TARDBP: variants seen among roughly 807,000 people sequenced by gnomAD.
The protein encoded by TARDBP is TAR DNA binding protein.
Under a neutral mutation model 38.3 loss-of-function variants are expected in TARDBP, and 4 were observed. The ratio of observed to expected loss-of-function variants is 0.10; its 90% CI spans 0.05 to 0.24. TARDBP has a LOEUF of 0.24. TARDBP is among the 10% of genes least tolerant of loss of function. The pLI is 1.00. For synonymous variants in TARDBP, 184 were observed against 183.8 expected, an observed-to-expected ratio of 1.00 and a Z score of -0.01; for missense variants, 202 against 521.9, an observed-to-expected ratio of 0.39 and a Z score of 5.97.
At chr1:11,027,702 TTTC>T, downstream of TARDBP, 4 of 1,520,596 alleles carry the variant, frequency 2.6e-6, no homozygotes, top group South Asian at 5.2e-5. Context: ...CAATCGTGTT[TTTC>T]TTAAATTATG....
downstream of TARDBP, chr1:11,027,287 C>G: frequency 6.2e-7 from 1 of 1,613,782 alleles, no homozygotes; most frequent in Non-Finnish European, 8.5e-7. Flanking sequence ...CTTTTCTTGG[C>G]AGACAAATAG....
At chr1:11,027,006 C>A (rs1168491348), downstream of TARDBP, 3 of 1,598,846 alleles carry the variant, frequency 1.9e-6, no homozygotes, top group Admixed American at 5.2e-5. Context: ...TCCCACAAAC[C>A]ACCTCTCTGT....
At chr1:11,021,037 G>T (rs989055816) in intron 5 of TARDBP, among the ~76,000 whole-genome samples, 1 of 152,048 alleles carries the variant, frequency 6.6e-6, no homozygotes, top group African/African-American at 2.4e-5. Context: ...CTAGATGTTT[G>T]TGATACCTGT....
chr1:11,028,009 G>A (rs1643768923), downstream of TARDBP, among the ~76,000 whole-genome samples: 1 of 152,102 alleles, frequency 6.6e-6, no homozygotes, highest in South Asian at 2.1e-4. Context: ...ATCACCTGAG[G>A]TCAGGAGTTT....
downstream of TARDBP, chr1:11,030,297 T>G (rs1310266386): frequency 2.2e-6 from 3 of 1,362,308 alleles, no homozygotes; most frequent in Non-Finnish European, 3.1e-6. Context: ...ATGTATAAGA[T>G]GGTTGTCATT....
downstream of TARDBP, chr1:11,029,673 C>G (rs1350921066): frequency 2.1e-5 from 2 of 94,342 alleles, no homozygotes. Flanking sequence ...TGGAATTTCA[C>G]TACTGTTGCC....
At chr1:11,013,577 A>T in intron 1 of TARDBP, 139 bp from the exon 2 acceptor site, 1 of 691,484 alleles carries the variant, frequency 1.4e-6, no homozygotes, top group South Asian at 1.7e-5. Context: ...GTCATTTTTC[A>T]GGGATAACCA....
intron 3 of TARDBP, among the ~76,000 whole-genome samples, chr1:11,018,148 C>T (rs1414476841): frequency 6.6e-6 from 1 of 152,096 alleles, no homozygotes; most frequent in Non-Finnish European, 1.5e-5. Flanking sequence ...TCCCAAAGTG[C>T]TGGGATTACA....
chr1:11,030,377 A>G (rs1557667031), downstream of TARDBP: 6 of 645,986 alleles, frequency 9.3e-6, no homozygotes, highest in Non-Finnish European at 1.3e-5. Flanking sequence ...CTGAAGAACC[A>G]TTTTACATGA....
chr1:11,029,701 G>T (rs1300460511), downstream of TARDBP: 2 of 122,896 alleles, frequency 1.6e-5, no homozygotes, highest in Admixed American at 2.4e-4. Flanking sequence ...GAGTATAATG[G>T]TGCGATCTGG....
At position 11,023,003 on chromosome 1, in the gene TARDBP, C is replaced by T; in HGVS notation, c.*349C>T. On this transcript the variant is annotated 3_prime_UTR_variant, in exon 6 of 6. Coordinates refer to ENST00000240185, the MANE Select transcript of TARDBP (RefSeq NM_007375.4). ...TTCTTTGCATGTTCAAAACGGAAACCATTGATTAGAACTACATTCTTTACC... is the reference window on the plus strand; with the variant it reads ...TTCTTTGCATGTTCAAAACGGAAACTATTGATTAGAACTACATTCTTTACC... 1 of 1,404,704 alleles carries T rather than the reference C, an allele frequency of 7.1e-7. No individual in the cohort carries two copies. The highest frequency in any genetic ancestry group is 2.6e-5 in the East Asian group (1 of 38,404). The allele number at this position is 1,404,704 out of a possible 1,614,324, so 87.0% of individuals were successfully genotyped here. A position where few individuals can be genotyped will look rare whatever the true frequency, so the allele number is the denominator to read the frequency against.
At chr1:11,013,376 C>T (rs1423535701) in intron 1 of TARDBP, among the ~76,000 whole-genome samples, 3 of 152,214 alleles carry the variant, frequency 2.0e-5, no homozygotes, top group Non-Finnish European at 4.4e-5. Flanking sequence ...ACGACTAACC[C>T]GATTGTCATA....
At chr1:11,027,054 C>T (rs367722798), downstream of TARDBP, 8 of 1,594,140 alleles carry the variant, frequency 5.0e-6, no homozygotes, top group Non-Finnish European at 6.8e-6. Context: ...TCCGCTGTCA[C>T]CTCTGCAGCT....
At chr1:11,026,011 T>C (rs932000460), downstream of TARDBP, 2 of 150,480 alleles carry the variant, frequency 1.3e-5, no homozygotes, top group Non-Finnish European at 3.0e-5. Context: ...AAAATACAGA[T>C]TTCTCTATAA....
In TARDBP at chr1:11,016,858, A is replaced by T; in HGVS notation, c.253A>T (p.Met85Leu). The T allele has an allele frequency of 6.2e-7, 1 of 1,614,094 alleles. No individual in the cohort carries two copies. The highest frequency in any genetic ancestry group is 1.7e-5 in the Admixed American group (1 of 60,012). The part of the protein sequence containing the change: ...VNYPKDNKRK[M>L]DETDASSAVK... ...GTTTTATTTAGATAACAAAAGAAAA[A>T]TGGATGAGACAGATGCTTCATCAGC... The change falls in exon 3 of 6, where the codon ATG (methionine) becomes TTG (leucine). Residue 85 changes from methionine to leucine, a missense_variant. Physicochemically the swap from Met to Leu is conservative, Grantham distance 15 (BLOSUM62 2). This residue lies in a region of TARDBP where 71 missense variants were observed against 185.4 expected (regional missense o/e 0.38). Coordinates refer to ENST00000240185, the MANE Select transcript of TARDBP (RefSeq NM_007375.4).
rs958623317 is a variant in TARDBP at position 11,022,004 on chromosome 1, A to C, written c.715-120A>C. The C allele has an allele frequency of 1.3e-5, 15 of 1,169,262 alleles. No individual in the cohort carries two copies. In the African/African-American group the frequency reaches 2.3e-4, roughly 18 times the overall value. The allele number at this position is 1,169,262 out of a possible 1,614,324, so 72.4% of individuals were successfully genotyped here. A position where few individuals can be genotyped will look rare whatever the true frequency, so the allele number is the denominator to read the frequency against. The stretch of plus-strand genomic sequence containing the variant: ...GGGGGTTTAAATGAAATGAGTGTTC[A>C]TTGCTTATTTTTCCTCTGGCTTTAG... On this transcript the variant is annotated intron_variant, in intron 5 of 5. Transcript: ENST00000240185. The surrounding 1 kb of genome is among the most constrained non-coding windows in gnomAD (Gnocchi z 4.5).
chr1:11,014,981 C>T (rs1314234694), intron 2 of TARDBP, among the ~76,000 whole-genome samples: 3 of 152,076 alleles, frequency 2.0e-5, no homozygotes, highest in East Asian at 3.9e-4. Context: ...GTGGCGGGGG[C>T]CTGTAGTCCC....
Position 11,018,884 on chromosome 1 carries a change from C to A in TARDBP, c.543+11C>A. On this transcript the variant is annotated intron_variant, in intron 4 of 5. Coordinates refer to ENST00000240185, the MANE Select transcript of TARDBP (RefSeq NM_007375.4). ...CTTCCTAATTCTAAGGTACTTGCGT[C>A]TGTGCTTTGGGAATTTTTGCCAACA... 2 of 1,613,936 alleles carry A rather than the reference C, an allele frequency of 1.2e-6. No homozygotes were observed. The highest frequency in any genetic ancestry group is 1.7e-6 in the Non-Finnish European group (2 of 1,180,018).
At chr1:11,027,998 G>A (rs1404492486), downstream of TARDBP, among the ~76,000 whole-genome samples, 3 of 152,108 alleles carry the variant, frequency 2.0e-5, no homozygotes, top group African/African-American at 7.2e-5. Context: ...GAGATGGGTG[G>A]ATCACCTGAG....
Sources: allele counts gnomAD v4.1 joint callset (sites outside exome capture counted in the v4.1 genomes callset), GRCh38; gene constraint gnomAD v4.1.1; regional missense constraint gnomAD v4.1.1; non-coding constraint Gnocchi (gnomAD v3.1); transcripts MANE v1.5; gene names NCBI Gene and HGNC (gene_info 2026-07-23, HGNC 2026-07-21).